LIG3: variants seen among roughly 807,000 people sequenced by gnomAD.
The protein encoded by LIG3 is ligase II, DNA, ATP-dependent.
Under a neutral mutation model 110.9 loss-of-function variants are expected in LIG3, and 58 were observed. The observed-to-expected ratio is 0.52, with a 90% CI of 0.42 to 0.65. LIG3 has a LOEUF of 0.65. Among genes scored for constraint, LIG3 ranks in the 30% least tolerant of loss-of-function variants. LIG3 has a pLI of 0.00. For missense variants in LIG3, 1,094 were observed against 1,273.8 expected (o/e 0.86, Z 2.15); for synonymous variants, 422 against 472.8 (o/e 0.89, Z 1.39).
intron 15 of LIG3, 33 bp from the exon 16 acceptor site, chr17:34,999,749 G>A: frequency 6.3e-7 from 1 of 1,588,618 alleles, no homozygotes; most frequent in Non-Finnish European, 8.6e-7. Context: ...TCCAGGTTGG[G>A]AACAGCCCAA....
rs1261171305 is a variant in LIG3 at position 35,004,796 on chromosome 17, C to A, written c.*290C>A. ...GTTACCCTTTTTATAAATAAAATAT[C>A]TTGCAGTTATCTTTGTCCTTTCCCC... On this transcript the variant is annotated 3_prime_UTR_variant, in exon 20 of 20. Coordinates refer to ENST00000378526, the MANE Select transcript of LIG3 (RefSeq NM_013975.4). 11 of 385,622 alleles carry A rather than the reference C, an allele frequency of 2.9e-5. No homozygotes were observed. The highest frequency in any genetic ancestry group is 5.2e-5 in the Non-Finnish European group (11 of 211,366). The allele number at this position is 385,622 out of a possible 1,614,324, so 23.9% of individuals were successfully genotyped here.
At chr17:34,992,763 A>T in intron 8 of LIG3, 71 bp downstream of exon 8, 1 of 1,421,990 alleles carries the variant, frequency 7.0e-7, no homozygotes, top group Non-Finnish European at 9.3e-7. Flanking sequence ...GAGATCAGAT[A>T]GGGTATGAGT....
chr17:34,996,080 A>G lies in LIG3; in HGVS notation c.1628A>G (p.Asp543Gly). 6.2e-7 allele frequency: 1 copy of G among 1,613,826 alleles called. No individual in the cohort carries two copies. ...VLPHKVAHFK[D>G]YIPQAFPGGH... ...TGCTTTCAGGTGGCCCACTTTAAGG[A>G]CTACATTCCCCAGGCTTTTCCTGGG... Residue 543 changes from aspartate (D) to glycine (G), a missense_variant, in exon 10 of 20, where the codon GAC becomes GGC. By Grantham distance (94) the Asp-to-Gly change is moderately conservative (BLOSUM62 -1). Transcript: ENST00000378526.
intron 5 of LIG3, 192 bp downstream of exon 5, chr17:34,991,306 G>T: frequency 3.3e-6 from 2 of 611,590 alleles, no homozygotes; most frequent in Non-Finnish European, 5.6e-6. Flanking sequence ...AGTTTCTGAG[G>T]GTGGAAACCA....
At chr17:34,984,727 A>G (rs1246668379) in intron 2 of LIG3, among the ~76,000 whole-genome samples, 1 of 150,990 alleles carries the variant, frequency 6.6e-6, no homozygotes, top group African/African-American at 2.4e-5. Context: ...AATGGTATTA[A>G]AGAGTAAAAC....
chr17:35,002,958 G>A (rs920274656), intron 19 of LIG3, 169 bp downstream of exon 19: 3 of 1,613,476 alleles, frequency 1.9e-6, no homozygotes, highest in Non-Finnish European at 2.5e-6. Flanking sequence ...GGTCAGCAAT[G>A]CTGCTGCTCA....
chr17:34,990,978 ATG>A lies in LIG3; in HGVS notation c.909_910del (p.Tyr304ProfsTer12), dbSNP rs1454772423. On this transcript the variant is annotated frameshift_variant, in exon 5 of 20. Transcript: ENST00000378526. LOFTEE classifies it high-confidence loss of function. Reference sequence around the variant, plus strand: ...CTGTCTCCAGATGGTTTCCACGGTGATGTGTACCTAACAGTGAAGCTGCTGCT... The same window carrying A: ...CTGTCTCCAGATGGTTTCCACGGTGATGTACCTAACAGTGAAGCTGCTGCT... 30 of 1,614,020 alleles carry A rather than the reference ATG, an allele frequency of 1.9e-5. No individual in the cohort carries two copies. The highest frequency in any genetic ancestry group is 2.7e-5 in the African/African-American group (2 of 74,932).
At position 34,983,179 on chromosome 17, in the gene LIG3, A is replaced by G. The variant is rs749849078; in HGVS notation, c.174A>G (p.Ser58=). 6.2e-7 allele frequency: 1 copy of G among 1,614,196 alleles called. No individual in the cohort carries two copies. Among genetic ancestry groups the G allele is most frequent in the Admixed American group, 1.7e-5 (1 of 60,020 alleles). ...PLFLRRKPVL[S]FQGSHLRSRA... is the part of the protein sequence containing the mutation. ...TCCTGAGAAGAAAGCCTGTTCTATC[A>G]TTCCAGGGAAGCCATCTAAGATCAC... The change falls in exon 2 of 20, where the codon TCA becomes TCG. Residue 58 remains serine, a synonymous_variant. Coordinates refer to ENST00000378526, the MANE Select transcript of LIG3 (RefSeq NM_013975.4).
At position 34,996,176 on chromosome 17, in the gene LIG3, G is replaced by A. The variant is rs1416909781; in HGVS notation, c.1724G>A (p.Gly575Glu). 3.1e-6 allele frequency: 5 copies of A among 1,614,038 alleles called. No homozygotes were observed. The change falls in exon 10 of 20, where the codon GGG becomes GAG. Residue 575 changes from glycine to glutamate, a missense_variant. By Grantham distance (98) the Gly-to-Glu change is moderately conservative. Transcript: ENST00000378526. ...DNKTGKPLPF[G>E]TLGVHKKAAF... Reference sequence around the variant, plus strand: ...AAGACAGGCAAACCACTGCCCTTTGGGACTCTGGGAGTACACAAGGTACTA... The same window carrying A: ...AAGACAGGCAAACCACTGCCCTTTGAGACTCTGGGAGTACACAAGGTACTA...
At chr17:34,999,126 T>A in intron 14 of LIG3, 181 bp from the exon 15 acceptor site, 1 of 661,710 alleles carries the variant, frequency 1.5e-6, no homozygotes. Flanking sequence ...ATCCCTCATT[T>A]ACAGAAGAGG....
rs757204379 is a variant in LIG3 at position 34,992,529 on chromosome 17, A to G, written c.1292A>G (p.Asp431Gly). The change falls in exon 8 of 20, where the codon GAC becomes GGC. Residue 431 changes from aspartate to glycine, a missense_variant. By Grantham distance (94) the Asp-to-Gly change is moderately conservative. Coordinates refer to ENST00000378526, the MANE Select transcript of LIG3 (RefSeq NM_013975.4). Reference protein sequence around the residue: ...KMNSGAKHVLDALDPNAYEAF... With the variant: ...KMNSGAKHVLGALDPNAYEAF... Reference sequence around the variant, plus strand: ...GTTCCTGTACCCCTTGGCAGGTTAGACGCCCTTGACCCCAATGCCTATGAA... The same window carrying G: ...GTTCCTGTACCCCTTGGCAGGTTAGGCGCCCTTGACCCCAATGCCTATGAA... 5.7e-6 allele frequency: 9 copies of G among 1,587,160 alleles called. No homozygotes were observed. The highest frequency in any genetic ancestry group is 6.8e-6 in the Non-Finnish European group (8 of 1,168,034).
chr17:34,990,848 C>A, intron 4 of LIG3, 115 bp from the exon 5 acceptor site: 1 of 901,258 alleles, frequency 1.1e-6, no homozygotes, highest in Non-Finnish European at 1.7e-6. Flanking sequence ...TCTCCTGCTT[C>A]GGCCTCCCAA....
chr17:35,004,767 C>T lies in LIG3; in HGVS notation c.*261C>T, dbSNP rs2090881990. The T allele has an allele frequency of 4.3e-6, 2 of 461,452 alleles. No individual in the cohort carries two copies. The highest frequency in any genetic ancestry group is 7.8e-5 in the Admixed American group (2 of 25,722). 28.6% of individuals were successfully genotyped at this position (461,452 alleles called of 1,614,324 possible). A position where few individuals can be genotyped will look rare whatever the true frequency, so the allele number is the denominator to read the frequency against. ...TCTTTTTGTTTTCTTTGAAAAGCAG[C>T]TTAGTTACCCTTTTTATAAATAAAA... On this transcript the variant is annotated 3_prime_UTR_variant, in exon 20 of 20. Coordinates refer to ENST00000378526, the MANE Select transcript of LIG3 (RefSeq NM_013975.4).
In LIG3 at chr17:34,989,602, T is replaced by C; in HGVS notation, c.828T>C (p.Asn276=). The C allele has an allele frequency of 6.2e-7, 1 of 1,614,062 alleles. No individual in the cohort carries two copies. The highest frequency in any genetic ancestry group is 8.5e-7 in the Non-Finnish European group (1 of 1,180,028). ...FRKLCAMVAD[N]PSYNTKTQII... The stretch of plus-strand genomic sequence containing the variant: ...AGTTATGCGCCATGGTGGCCGATAA[T>C]CCTAGCTACAACACGAAGACCCAGA... Residue 276 remains asparagine (N), a synonymous_variant, in exon 4 of 20, where the codon AAT becomes AAC. Coordinates refer to ENST00000378526, the MANE Select transcript of LIG3 (RefSeq NM_013975.4).
chr17:34,998,516 C>G, intron 13 of LIG3, 88 bp from the exon 14 acceptor site: 2 of 1,518,750 alleles, frequency 1.3e-6, no homozygotes, highest in Middle Eastern at 1.7e-4. Context: ...GGGCACTGGG[C>G]TAGATCTGGT....
In LIG3 at chr17:34,990,963, A is replaced by G. The variant is rs765064294; in HGVS notation, c.890A>G (p.Asp297Gly). 2 of 1,613,722 alleles carry G rather than the reference A, an allele frequency of 1.2e-6. No individual in the cohort carries two copies. The highest frequency in any genetic ancestry group is 1.1e-5 in the South Asian group (1 of 91,010). ...QDFLRKGSAGDGFHGDVYLTV... is the reference protein window; with the variant it reads ...QDFLRKGSAGGGFHGDVYLTV... ...CAAGAAGGGTTCCTTCTGTCTCCAG[A>G]TGGTTTCCACGGTGATGTGTACCTA... is the stretch of plus-strand genomic sequence containing the variant. Residue 297 changes from aspartate to glycine, a missense_variant and splice_region_variant, in exon 5 of 20, where the codon GAT (aspartate) becomes GGT (glycine). Coordinates refer to ENST00000378526, the MANE Select transcript of LIG3 (RefSeq NM_013975.4).
chr17:34,998,693 G>T lies in LIG3; in HGVS notation c.2079G>T (p.Val693=). Residue 693 remains valine (V), a synonymous_variant, in exon 14 of 20, where the codon GTG becomes GTT. Transcript: ENST00000378526. ...EGAMADTADL[V]VLGAFYGQGS... ...CCATGGCCGACACAGCTGACCTGGT[G>T]GTCCTTGGAGCCTTCTATGGGCAAG... 6.2e-7 allele frequency: 1 copy of T among 1,614,170 alleles called. No homozygotes were observed. The highest frequency in any genetic ancestry group is 1.7e-4 in the Middle Eastern group (1 of 6,060).
Position 34,999,354 on chromosome 17 carries a change from C to A in LIG3, c.2161C>A (p.Gln721Lys). ...FLMGCYDPGS[Q>K]KWCTVTKCAG... Reference sequence around the variant, plus strand: ...CATGGGCTGCTACGACCCTGGCAGCCAGAAGTGGTGCACAGTCACCAAGTG... The same window carrying A: ...CATGGGCTGCTACGACCCTGGCAGCAAGAAGTGGTGCACAGTCACCAAGTG... The change falls in exon 15 of 20, where the codon CAG becomes AAG. Residue 721 changes from glutamine (Q) to lysine (K), a missense_variant. Gln to Lys is a moderately conservative substitution (Grantham distance 53). Coordinates refer to ENST00000378526, the MANE Select transcript of LIG3 (RefSeq NM_013975.4). 2 of 1,613,986 alleles carry A rather than the reference C, an allele frequency of 1.2e-6. No individual in the cohort carries two copies. Among genetic ancestry groups the A allele is most frequent in the Non-Finnish European group, 1.7e-6 (2 of 1,179,918 alleles).
intron 5 of LIG3, chr17:34,991,409 T>C (rs2090719685): frequency 1.8e-6 from 1 of 571,412 alleles, no homozygotes; most frequent in Non-Finnish European, 3.1e-6. Flanking sequence ...TCTGGACTCT[T>C]TTTTTCTTGC....
Sources: gnomAD v4.1 joint callset for allele counts (sites outside exome capture counted in the v4.1 genomes callset) on GRCh38, gnomAD v4.1.1 for gene constraint, MANE v1.5 for transcripts, NCBI Gene and HGNC (gene_info 2026-07-23, HGNC 2026-07-21) for gene names.